Variants in NELL1 observed in about 807,000 individuals in gnomAD.
NELL1 encodes the protein neural EGFL like 1.
NELL1 carries 76 observed loss-of-function variants against 107.4 expected under a neutral mutation model. The ratio of observed to expected loss-of-function variants is 0.71; its 90% CI spans 0.59 to 0.86. NELL1 has a LOEUF of 0.86. Among genes scored for constraint, NELL1 ranks in the 40% least tolerant of loss-of-function variants. NELL1 has a pLI of 0.00. For synonymous variants in NELL1, 353 were observed against 341.2 expected (o/e 1.03, Z -0.38); for missense variants, 1,024 against 1,005.5 (o/e 1.02, Z -0.25).
chr11:21,069,612 C>T (rs1294612208), intron 12 of NELL1, among the ~76,000 whole-genome samples: 4 of 152,178 alleles, frequency 2.6e-5, no homozygotes, highest in African/African-American at 7.2e-5. Context: ...ATTAAAGCTA[C>T]TCTTCCATAC....
At chr11:20,749,689 A>G (rs926995816) in intron 2 of NELL1, among the ~76,000 whole-genome samples, 5 of 152,186 alleles carry the variant, frequency 3.3e-5, no homozygotes, top group Admixed American at 3.3e-4. Flanking sequence ...ATGAGTTTTT[A>G]TAATTTTATA....
intron 4 of NELL1, among the ~76,000 whole-genome samples, chr11:20,884,259 G>A (rs1849463273): frequency 6.6e-6 from 1 of 152,186 alleles, no homozygotes; most frequent in Admixed American, 6.5e-5. Flanking sequence ...CAGTCTTTCA[G>A]TTCTTCTGCA....
At chr11:21,498,333 TTA>T (rs34418018) in intron 15 of NELL1, among the ~76,000 whole-genome samples, 20,009 of 113,564 alleles carry the variant, frequency 0.18, 1,529 homozygotes, top group Non-Finnish European at 0.23. Context: ...CATAAACATA[TTA>T]TATATATATA....
Position 21,421,178 on chromosome 11 carries a change from T to A in NELL1, c.1645+50230T>A, listed in dbSNP as rs183955950. The stretch of plus-strand genomic sequence containing the variant: ...GAAGATTAGAAAAATATGGTACACA[T>A]TAGCATGGTATAAGGTAGTGGAATA... On this transcript the variant is annotated intron_variant, in intron 15 of 19. Coordinates refer to ENST00000357134, the MANE Select transcript of NELL1 (RefSeq NM_006157.5). Among the ~76,000 whole-genome samples the A allele has an allele frequency of 8.5e-3, 1,301 of 152,248 alleles. 16 individuals are homozygous for A. Among genetic ancestry groups the A allele is most frequent in the African/African-American group, 0.028 (1,175 of 41,540 alleles).
At chr11:21,537,843 T>A (rs1056288473) in intron 16 of NELL1, among the ~76,000 whole-genome samples, 1 of 152,094 alleles carries the variant, frequency 6.6e-6, no homozygotes, top group African/African-American at 2.4e-5. Flanking sequence ...GTGCATGACA[T>A]GAGATGTTAA....
intron 13 of NELL1, among the ~76,000 whole-genome samples, chr11:21,175,875 C>T (rs551608039): frequency 6.6e-6 from 1 of 151,982 alleles, no homozygotes; most frequent in South Asian, 2.1e-4. Context: ...TTTTGCCTTA[C>T]AATGTGGGCA....
intron 1 of NELL1, chr11:20,671,190 G>T (rs546057320): frequency 2.6e-5 from 4 of 152,438 alleles, no homozygotes; most frequent in Admixed American, 2.0e-4. Context: ...GCTTAGAATA[G>T]TTGCTTCTTG....
intron 2 of NELL1, among the ~76,000 whole-genome samples, chr11:20,706,891 G>A (rs550077155): frequency 1.2e-4 from 18 of 152,138 alleles, no homozygotes; most frequent in African/African-American, 3.1e-4. Context: ...TCTTTGTGGC[G>A]TTCTCTGTAT....
chr11:21,315,184 C>A (rs1158798217), intron 14 of NELL1, among the ~76,000 whole-genome samples: 1 of 152,072 alleles, frequency 6.6e-6, no homozygotes, highest in Non-Finnish European at 1.5e-5. Flanking sequence ...ACACAAACTG[C>A]CTTAACTATA....
intron 14 of NELL1, among the ~76,000 whole-genome samples, chr11:21,365,553 A>G (rs1174087327): frequency 6.6e-6 from 1 of 152,166 alleles, no homozygotes; most frequent in Non-Finnish European, 1.5e-5. Flanking sequence ...TGCTGTCATT[A>G]TTATTATGAT....
intron 13 of NELL1, among the ~76,000 whole-genome samples, chr11:21,126,288 T>C (rs1855484822): frequency 6.6e-6 from 1 of 151,962 alleles, no homozygotes; most frequent in South Asian, 2.1e-4. Flanking sequence ...CAGACCAAAA[T>C]CTCAGAAATC....
At chr11:21,562,705 G>A (rs1177281070) in intron 17 of NELL1, among the ~76,000 whole-genome samples, 1 of 152,006 alleles carries the variant, frequency 6.6e-6, no homozygotes, top group African/African-American at 2.4e-5. Flanking sequence ...TAAAATCAAG[G>A]TTGGGATATA....
At chr11:20,865,066 C>T (rs1384596591) in intron 4 of NELL1, among the ~76,000 whole-genome samples, 1 of 152,130 alleles carries the variant, frequency 6.6e-6, no homozygotes, top group Admixed American at 6.5e-5. Context: ...GGATCCATGA[C>T]AGTTTTGGGG....
chr11:21,408,727 C>T (rs1852293866), intron 15 of NELL1, among the ~76,000 whole-genome samples: 1 of 152,030 alleles, frequency 6.6e-6, no homozygotes, highest in South Asian at 2.1e-4. Flanking sequence ...GTGTTTTAGA[C>T]ATGAAGTCTT....
chr11:21,469,622 A>G (rs1336375115), intron 15 of NELL1, among the ~76,000 whole-genome samples: 1 of 152,122 alleles, frequency 6.6e-6, no homozygotes, highest in Non-Finnish European at 1.5e-5. Context: ...ATTAATAGGA[A>G]TTAAAGACCA....
intron 13 of NELL1, among the ~76,000 whole-genome samples, chr11:21,217,913 GTTGGA>G (rs1244707816): frequency 1.7e-4 from 26 of 152,154 alleles, no homozygotes; most frequent in Admixed American, 1.7e-3. Flanking sequence ...CTGTTACAGG[GTTGGA>G]TTTATTAGAG....
At chr11:20,760,126 G>T (rs1164447269) in intron 2 of NELL1, among the ~76,000 whole-genome samples, 2 of 152,206 alleles carry the variant, frequency 1.3e-5, no homozygotes, top group Non-Finnish European at 2.9e-5. Context: ...TATATGGTGT[G>T]GGTTGGGAGG....
At chr11:21,465,370 C>A (rs1467868701) in intron 15 of NELL1, among the ~76,000 whole-genome samples, 4 of 152,022 alleles carry the variant, frequency 2.6e-5, no homozygotes, top group African/African-American at 9.7e-5. Context: ...AAATAGGAAG[C>A]TTCTTGTTTT....
intron 2 of NELL1, among the ~76,000 whole-genome samples, chr11:20,757,344 C>CCCAG (rs1856320295): frequency 1.3e-5 from 2 of 152,280 alleles, no homozygotes; most frequent in South Asian, 4.1e-4. Context: ...AGAGAGACTT[C>CCCAG]TCCTGGCTGC....
Sources: allele counts gnomAD v4.1 joint callset (sites outside exome capture counted in the v4.1 genomes callset), GRCh38; gene constraint gnomAD v4.1.1; transcripts MANE v1.5; gene names NCBI Gene and HGNC (gene_info 2026-07-23, HGNC 2026-07-21).